NELL1: variants seen among roughly 807,000 people sequenced by gnomAD.
The protein encoded by NELL1 is protein kinase C-binding protein NELL1.
NELL1 carries 76 observed loss-of-function variants against 107.4 expected under a neutral mutation model. That is an observed-to-expected ratio of 0.71 (90% CI 0.59 to 0.86). The LOEUF is 0.86. Ranked by LOEUF, NELL1 falls within the 40% of genes least tolerant of loss-of-function variation. The probability of loss-of-function intolerance (pLI) is 0.00; values close to 1 mark genes in which losing one functional copy is unlikely to be tolerated. For synonymous variants in NELL1, 353 were observed against 341.2 expected (o/e 1.03, Z -0.38); for missense variants, 1,024 against 1,005.5 (o/e 1.02, Z -0.25).
At chr11:20,710,085 T>C (rs1398753515) in intron 2 of NELL1, among the ~76,000 whole-genome samples, 1 of 152,206 alleles carries the variant, frequency 6.6e-6, no homozygotes, top group Non-Finnish European at 1.5e-5. Context: ...TCCAGTACTA[T>C]GTTGCATAGA....
intron 13 of NELL1, among the ~76,000 whole-genome samples, chr11:21,115,036 C>A (rs1488116991): frequency 6.6e-6 from 1 of 151,944 alleles, no homozygotes; most frequent in African/African-American, 2.4e-5. Flanking sequence ...GTGTGGAAGA[C>A]CTTGTTGAAA....
At chr11:21,530,052 G>A (rs2133966205) in intron 15 of NELL1, among the ~76,000 whole-genome samples, 1 of 152,186 alleles carries the variant, frequency 6.6e-6, no homozygotes, top group Non-Finnish European at 1.5e-5. Context: ...ATCTCTCTAT[G>A]TCTGCATCAG....
At chr11:21,433,781 T>C (rs1368526253) in intron 15 of NELL1, among the ~76,000 whole-genome samples, 6 of 152,182 alleles carry the variant, frequency 3.9e-5, no homozygotes, top group African/African-American at 1.2e-4. Context: ...GTTCAAGTGA[T>C]TCTCCTGCCT....
chr11:20,680,686 T>G (rs922935683), intron 2 of NELL1, among the ~76,000 whole-genome samples: 1 of 152,102 alleles, frequency 6.6e-6, no homozygotes, highest in Non-Finnish European at 1.5e-5. Flanking sequence ...ATAATCCTCT[T>G]TGGTTTTGGC....
intron 3 of NELL1, among the ~76,000 whole-genome samples, chr11:20,804,004 C>A (rs557761047): frequency 6.6e-6 from 1 of 152,198 alleles, no homozygotes; most frequent in East Asian, 1.9e-4. Flanking sequence ...CTCCTTGCTC[C>A]TTAGCCTGCA....
At chr11:21,253,162 G>A (rs1262566885) in intron 14 of NELL1, among the ~76,000 whole-genome samples, 3 of 152,038 alleles carry the variant, frequency 2.0e-5, no homozygotes, top group Non-Finnish European at 4.4e-5. Context: ...AGGTCAGGAT[G>A]CCCTGGGGGA....
At chr11:20,948,202 A>G (rs1851002479) in intron 11 of NELL1, among the ~76,000 whole-genome samples, 2 of 151,126 alleles carry the variant, frequency 1.3e-5, no homozygotes, top group Non-Finnish European at 2.9e-5. Context: ...ACACCATCAC[A>G]CCCAACTAAT....
Position 20,941,936 on chromosome 11 carries a change from G to A in NELL1, c.1071+4077G>A, listed in dbSNP as rs183937071. The stretch of plus-strand genomic sequence containing the variant: ...AGAAAAGTCAGAACCCCACAACAAA[G>A]CACAGCTGGCTTTGTGAGGCATCTC... On this transcript the variant is annotated intron_variant, in intron 10 of 19. Transcript: ENST00000357134. Among the ~76,000 whole-genome samples, 7 of 152,236 alleles carry A rather than the reference G, an allele frequency of 4.6e-5. No homozygotes were observed. The East Asian group carries it at 1.2e-3, about 25-fold the overall frequency.
intron 2 of NELL1, among the ~76,000 whole-genome samples, chr11:20,730,293 T>C (rs1590240566): frequency 6.6e-6 from 1 of 152,302 alleles, no homozygotes; most frequent in East Asian, 1.9e-4. Flanking sequence ...TTAGAGATCT[T>C]AACAGTCCAT....
chr11:21,462,437 T>A (rs1299637817), intron 15 of NELL1, among the ~76,000 whole-genome samples: 1 of 152,042 alleles, frequency 6.6e-6, no homozygotes, highest in Non-Finnish European at 1.5e-5. Context: ...TAAAATAGAT[T>A]GTTTTCTTTC....
At chr11:20,918,712 T>C (rs1314141683) in intron 6 of NELL1, among the ~76,000 whole-genome samples, 1 of 151,980 alleles carries the variant, frequency 6.6e-6, no homozygotes, top group African/African-American at 2.4e-5. Flanking sequence ...CCTTCATGAT[T>C]CAATTATTTC....
At chr11:20,867,164 T>G (rs866151694) in intron 4 of NELL1, among the ~76,000 whole-genome samples, 1 of 152,164 alleles carries the variant, frequency 6.6e-6, no homozygotes, top group Non-Finnish European at 1.5e-5. Context: ...AATGGGAGAC[T>G]TGACTTCCAG....
chr11:20,700,058 A>AT (rs1470507773), intron 2 of NELL1, among the ~76,000 whole-genome samples: 1 of 152,120 alleles, frequency 6.6e-6, no homozygotes, highest in East Asian at 1.9e-4. Context: ...TTTTTATAAA[A>AT]TGATGCTTTC....
intron 13 of NELL1, among the ~76,000 whole-genome samples, chr11:21,134,093 C>T (rs550143775): frequency 3.9e-5 from 6 of 152,296 alleles, no homozygotes; most frequent in South Asian, 2.1e-4. Context: ...TTTGATATGG[C>T]GAGTTTTATG....
intron 2 of NELL1, among the ~76,000 whole-genome samples, chr11:20,719,437 C>T (rs760285429): frequency 0.13 from 18,977 of 151,196 alleles, 2,828 homozygotes; most frequent in African/African-American, 0.36. Context: ...CACACACACA[C>T]ACACACACAC....
intron 2 of NELL1, among the ~76,000 whole-genome samples, chr11:20,732,134 T>A (rs1855660775): frequency 6.6e-6 from 1 of 152,090 alleles, no homozygotes; most frequent in South Asian, 2.1e-4. Context: ...CCGAGTCCTT[T>A]CCCTCGGTGG....
chr11:21,316,105 T>G (rs1849875712), intron 14 of NELL1, among the ~76,000 whole-genome samples: 1 of 152,158 alleles, frequency 6.6e-6, no homozygotes, highest in Admixed American at 6.6e-5. Flanking sequence ...TGACTTATAG[T>G]AATATCCTCA....
intron 14 of NELL1, among the ~76,000 whole-genome samples, chr11:21,254,482 A>G (rs1858720159): frequency 6.6e-6 from 1 of 152,074 alleles, no homozygotes; most frequent in African/African-American, 2.4e-5. Context: ...CTCAATTTAT[A>G]CGAAAAAAAG....
At chr11:21,064,892 C>T (rs777653493) in intron 12 of NELL1, among the ~76,000 whole-genome samples, 1 of 152,094 alleles carries the variant, frequency 6.6e-6, no homozygotes, top group Non-Finnish European at 1.5e-5. Flanking sequence ...TCACAAATCA[C>T]TTTGATTCCT....
Sources: allele counts gnomAD v4.1 joint callset (sites outside exome capture counted in the v4.1 genomes callset), GRCh38; gene constraint gnomAD v4.1.1; transcripts MANE v1.5; gene names NCBI Gene and HGNC (gene_info 2026-07-23, HGNC 2026-07-21).